TULP4: variants seen among roughly 807,000 people sequenced by gnomAD.
The protein encoded by TULP4 is tubby-related protein 4.
A neutral mutation model predicts 129.0 loss-of-function variants in TULP4; 16 were observed. The ratio of observed to expected loss-of-function variants is 0.12; its 90% CI spans 0.08 to 0.19. The LOEUF (loss-of-function observed/expected upper bound fraction) is 0.19, where lower values mean the gene tolerates loss of function less well. Among genes scored for constraint, TULP4 ranks in the 10% least tolerant of loss-of-function variants. TULP4 has a pLI of 1.00. For missense variants in TULP4, 1,842 were observed against 2,059.1 expected (o/e 0.89, Z 2.04); for synonymous variants, 998 against 854.0 (o/e 1.17, Z -2.94).
chr6:158,388,933 C>T (rs1777520524), intron 1 of TULP4, among the ~76,000 whole-genome samples: 2 of 152,114 alleles, frequency 1.3e-5, no homozygotes, highest in African/African-American at 4.8e-5. Context: ...CGGGTAGCTG[C>T]CATGGTGGAC....
intron 3 of TULP4, among the ~76,000 whole-genome samples, chr6:158,438,732 G>A (rs1583875888): frequency 6.6e-6 from 1 of 151,992 alleles, no homozygotes; most frequent in East Asian, 1.9e-4. Context: ...TTACAGGCAC[G>A]CACCACCATA....
At chr6:158,384,849 G>A (rs1171949866) in intron 1 of TULP4, among the ~76,000 whole-genome samples, 1 of 152,166 alleles carries the variant, frequency 6.6e-6, no homozygotes, top group Non-Finnish European at 1.5e-5. Context: ...TGGTTCAGAG[G>A]ATAGTGTGAA....
At chr6:158,378,524 G>T (rs1435629150) in intron 1 of TULP4, among the ~76,000 whole-genome samples, 2 of 123,860 alleles carry the variant, frequency 1.6e-5, no homozygotes, top group Non-Finnish European at 3.1e-5. Context: ...TCGCTCTGTT[G>T]CCCAGACTGG....
intron 1 of TULP4, among the ~76,000 whole-genome samples, chr6:158,331,327 A>G (rs1455416863): frequency 6.6e-6 from 1 of 151,948 alleles, no homozygotes; most frequent in Non-Finnish European, 1.5e-5. Flanking sequence ...CTATCCACCC[A>G]CCTACCTATC....
intron 1 of TULP4, among the ~76,000 whole-genome samples, chr6:158,264,809 T>G (rs146388382): frequency 3.8e-3 from 577 of 152,280 alleles, no homozygotes; most frequent in Non-Finnish European, 6.3e-3. Flanking sequence ...CTACAGACCA[T>G]CAGTGCCGCC....
intron 1 of TULP4, among the ~76,000 whole-genome samples, chr6:158,258,262 T>C (rs998373796): frequency 6.6e-5 from 10 of 152,198 alleles, no homozygotes; most frequent in African/African-American, 9.7e-5. Context: ...ACACTCTTTC[T>C]TTCTCTCTTT....
chr6:158,365,933 C>T (rs1215060662), intron 1 of TULP4, among the ~76,000 whole-genome samples: 44 of 98,252 alleles, frequency 4.5e-4, no homozygotes, highest in East Asian at 1.1e-3. Flanking sequence ...GATGGAGTCT[C>T]GCTCTGTCGC....
Position 158,503,471 on chromosome 6 carries a change from C to T in TULP4, c.3808C>T (p.Pro1270Ser), listed in dbSNP as rs770144481. ...TCCATGGAGTTCCTACAGCGCCTGC[C>T]CGCCCATGCAGAACCCCCAGGGCAC... The part of the protein sequence containing the change: ...LHPWSSYSAC[P>S]PMQNPQGTLP... Residue 1270 changes from proline to serine, a missense_variant, in exon 13 of 14, where the codon CCG (proline) becomes TCG (serine). Pro to Ser is a moderately conservative substitution (Grantham distance 74). Transcript: ENST00000367097. This position sits in a 1 kb window ranked among gnomAD's most constrained non-coding sequence, Gnocchi z 4.3. The T allele has an allele frequency of 2.5e-6, 4 of 1,613,960 alleles. No homozygotes were observed. The South Asian group carries it at 3.3e-5, about 13-fold the overall frequency.
chr6:158,457,879 C>T (rs1042241740), intron 5 of TULP4, among the ~76,000 whole-genome samples: 9 of 151,962 alleles, frequency 5.9e-5, no homozygotes, highest in Non-Finnish European at 1.2e-4. Context: ...TCATTGAGTA[C>T]GTGCCCCTTT....
At position 158,349,516 on chromosome 6, in the gene TULP4, G is replaced by A. The variant is rs1200445644; in HGVS notation, c.252+35248G>A. On this transcript the variant is annotated intron_variant, in intron 1 of 13. Transcript: ENST00000367097. ...CAGAGGTGCTCCTCACCTCCCAGAC[G>A]AAGGGTGGCCGGGCAGAGGCGCTCC... Among the ~76,000 whole-genome samples the A allele has an allele frequency of 1.4e-3, 180 of 129,396 alleles. 7 individuals carry two copies. The highest frequency in any genetic ancestry group is 1.3e-3 in the Admixed American group (17 of 12,976). The allele number at this position is 129,396 out of a possible 152,430, so 84.9% of individuals were successfully genotyped here.
intron 1 of TULP4, among the ~76,000 whole-genome samples, chr6:158,335,796 A>C (rs113584413): frequency 0.013 from 1,958 of 152,304 alleles, 45 homozygotes; most frequent in African/African-American, 0.045. Context: ...GTGTGCCATT[A>C]TGTATACACA....
At position 158,321,278 on chromosome 6, in the gene TULP4, C is replaced by A. The variant is rs147489580; in HGVS notation, c.252+7010C>A. 7.2e-5 allele frequency among the ~76,000 whole-genome samples: 11 copies of A among 152,274 alleles called. No individual in the cohort carries two copies. In the East Asian group the frequency reaches 1.9e-3, roughly 27 times the overall value. Reference sequence around the variant, plus strand: ...CTGTTACTGTTCTGGCCTCTGCTTTCCGCCTTTCTTTGCTGGCTCTGCCTT... The same window carrying A: ...CTGTTACTGTTCTGGCCTCTGCTTTACGCCTTTCTTTGCTGGCTCTGCCTT... On this transcript the variant is annotated intron_variant, in intron 1 of 13. Coordinates refer to ENST00000367097, the MANE Select transcript of TULP4 (RefSeq NM_020245.5).
intron 1 of TULP4, among the ~76,000 whole-genome samples, chr6:158,273,690 A>T (rs962073145): frequency 6.6e-6 from 1 of 152,216 alleles, no homozygotes; most frequent in African/African-American, 2.4e-5. Flanking sequence ...CTGAGAGTTT[A>T]TTATGTGCCG....
intron 6 of TULP4, among the ~76,000 whole-genome samples, chr6:158,462,682 T>C (rs939959055): frequency 3.3e-5 from 5 of 151,850 alleles, no homozygotes; most frequent in East Asian, 1.9e-4. Flanking sequence ...CAGATTTTCT[T>C]TGTAGATGTA....
intron 1 of TULP4, among the ~76,000 whole-genome samples, chr6:158,265,014 G>A (rs1207222003): frequency 1.3e-5 from 2 of 152,236 alleles, no homozygotes; most frequent in Non-Finnish European, 2.9e-5. Flanking sequence ...GAGCAGTCAA[G>A]TTACTACTGT....
intron 1 of TULP4, chr6:158,237,619 A>G: frequency 7.0e-7 from 1 of 1,431,606 alleles, no homozygotes; most frequent in Non-Finnish European, 9.8e-7. Context: ...TTGCATTGGC[A>G]GCCATCTTTC....
At chr6:158,298,574 T>G (rs1018633596) in intron 1 of TULP4, among the ~76,000 whole-genome samples, 4 of 152,200 alleles carry the variant, frequency 2.6e-5, no homozygotes, top group African/African-American at 9.7e-5. Flanking sequence ...GGTATCCAGA[T>G]TCCTTCTTGA....
rs149734049 is a variant in TULP4, at chr6:158,452,224, A to C, written c.815A>C (p.Asn272Thr). The change falls in exon 5 of 14, where the codon AAC (asparagine) becomes ACC (threonine). Residue 272 changes from asparagine (N) to threonine (T), a missense_variant. Asn to Thr is a moderately conservative substitution (Grantham distance 65, BLOSUM62 0). Coordinates refer to ENST00000367097, the MANE Select transcript of TULP4 (RefSeq NM_020245.5). The part of the protein sequence containing the change: ...FTSGDISLMN[N>T]YDDLSPTVIR... ...TCGGGAGACATCAGCTTAATGAACA[A>C]CTACGATGACTTGTCTCCCACGGTC... 6 of 1,614,210 alleles carry C rather than the reference A, an allele frequency of 3.7e-6. 1 individual carries two copies. The South Asian group carries it at 6.6e-5, about 18-fold the overall frequency.
intron 1 of TULP4, among the ~76,000 whole-genome samples, chr6:158,387,650 A>G (rs1030161173): frequency 1.3e-5 from 2 of 152,168 alleles, no homozygotes; most frequent in Non-Finnish European, 2.9e-5. Context: ...ATGGGATTTC[A>G]GGTTGTCTTT....
Sources: gnomAD v4.1 joint callset for allele counts (sites outside exome capture counted in the v4.1 genomes callset) on GRCh38, gnomAD v4.1.1 for gene constraint, Gnocchi (gnomAD v3.1) non-coding constraint, MANE v1.5 for transcripts, NCBI Gene and HGNC (gene_info 2026-07-23, HGNC 2026-07-21) for gene names.